Variants in FYN observed in about 807,000 individuals in gnomAD.
FYN encodes FYN proto-oncogene, Src family tyrosine kinase.
Under a neutral mutation model 70.2 loss-of-function variants are expected in FYN, and 10 were observed. The observed-to-expected ratio is 0.14, with a 90% CI of 0.09 to 0.24. The LOEUF (loss-of-function observed/expected upper bound fraction) is 0.24. Ranked by LOEUF, FYN falls within the 10% of genes least tolerant of loss-of-function variation. The pLI is 1.00. For missense variants in FYN, 319 were observed against 673.1 expected (o/e 0.47, Z 5.82); for synonymous variants, 236 against 248.6 (o/e 0.95, Z 0.48).
chr6:111,790,613 G>T (rs1052839764), intron 2 of FYN, among the ~76,000 whole-genome samples: 1 of 152,086 alleles, frequency 6.6e-6, no homozygotes, highest in Admixed American at 6.6e-5. Flanking sequence ...CCCACATTTT[G>T]AATTATCTCA....
chr6:111,745,157 C>T (rs1396097001), intron 3 of FYN, among the ~76,000 whole-genome samples: 4 of 152,206 alleles, frequency 2.6e-5, no homozygotes. Flanking sequence ...CACCTACCCA[C>T]CCATTCACCC....
intron 12 of FYN, among the ~76,000 whole-genome samples, chr6:111,677,775 A>G (rs1798596450): frequency 6.6e-6 from 1 of 152,236 alleles, no homozygotes; most frequent in Non-Finnish European, 1.5e-5. Context: ...CTTACAGAAC[A>G]ACGGAGAAAA....
At chr6:111,862,256 G>A (rs1038832460) in intron 1 of FYN, among the ~76,000 whole-genome samples, 2 of 152,076 alleles carry the variant, frequency 1.3e-5, no homozygotes, top group African/African-American at 4.8e-5. Context: ...ATGGCAGAGG[G>A]CAAAGGAGTA....
rs575114051 is a variant in FYN at position 111,680,916 on chromosome 6, TC to T, written c.1274-6287del. Among the ~76,000 whole-genome samples, 442 of 152,334 alleles carry T rather than the reference TC, an allele frequency of 2.9e-3. 4 individuals carry two copies. Among genetic ancestry groups the T allele is most frequent in the African/African-American group, 0.01 (430 of 41,578 alleles). ...TTTCTTTCCAAGCATTTTGTGTGTC[TC>T]CCCTGTGGGCTCTTCTTCTTGCTTG... On this transcript the variant is annotated intron_variant, in intron 12 of 13. Coordinates refer to ENST00000354650, the MANE Select transcript of FYN (RefSeq NM_002037.5).
intron 1 of FYN, among the ~76,000 whole-genome samples, chr6:111,864,485 C>T (rs148687558): frequency 6.5e-4 from 99 of 152,248 alleles, no homozygotes; most frequent in African/African-American, 2.3e-3. Context: ...GCTCACAAGT[C>T]GGTGGGAAAG....
Position 111,700,260 on chromosome 6 carries a change from C to T in FYN, c.706G>A (p.Ala236Thr). The change falls in exon 9 of 14, where the codon GCA becomes ACA. Residue 236 changes from alanine to threonine, a missense_variant. Ala to Thr is a moderately conservative substitution (Grantham distance 58, BLOSUM62 0). Coordinates refer to ENST00000354650, the MANE Select transcript of FYN (RefSeq NM_002037.5). Reference sequence around the variant, plus strand: ...ACTACTAGGCGGCAGCAGAGACCTGCAGCTCTCTCTGATGGAGCAGGGCAG... The same window carrying T: ...ACTACTAGGCGGCAGCAGAGACCTGTAGCTCTCTCTGATGGAGCAGGGCAG... ...QLVQHYSERA[A>T]GLCCRLVVPC... 1 of 1,614,082 alleles carries T rather than the reference C, an allele frequency of 6.2e-7. No homozygotes were observed.
At chr6:111,778,108 C>T (rs1002371574) in intron 3 of FYN, among the ~76,000 whole-genome samples, 3 of 152,174 alleles carry the variant, frequency 2.0e-5, no homozygotes, top group African/African-American at 7.2e-5. Context: ...TGTGGGGCAG[C>T]GTGTCTAATG....
At chr6:111,828,334 T>C (rs1772903883) in intron 2 of FYN, among the ~76,000 whole-genome samples, 1 of 152,140 alleles carries the variant, frequency 6.6e-6, no homozygotes, top group South Asian at 2.1e-4. Context: ...AGTATAAAAA[T>C]ATGTTAAACA....
In FYN at chr6:111,822,827, G is replaced by T. The variant is rs78905629; in HGVS notation, c.-82+23762C>A. ...GGCGAGGGGAGGACAATGTTGAGAG[G>T]GAATGCATGTCAACCACACCATCAT... On this transcript the variant is annotated intron_variant, in intron 2 of 13. Transcript: ENST00000354650. Among the ~76,000 whole-genome samples the T allele has an allele frequency of 2.5e-3, 387 of 152,190 alleles. 2 individuals carry two copies. Among genetic ancestry groups the T allele is most frequent in the African/African-American group, 9.0e-3 (374 of 41,524 alleles).
chr6:111,808,145 A>G (rs1002021841), intron 2 of FYN, among the ~76,000 whole-genome samples: 10 of 152,134 alleles, frequency 6.6e-5, no homozygotes, highest in African/African-American at 2.4e-4. Flanking sequence ...AAAACCTGAG[A>G]TCAGAGGTCA....
intron 13 of FYN, among the ~76,000 whole-genome samples, chr6:111,664,305 G>A (rs973047842): frequency 4.6e-5 from 7 of 152,078 alleles, no homozygotes; most frequent in African/African-American, 1.2e-4. Flanking sequence ...TTCTGGGTGC[G>A]GTTACAGCCC....
At chr6:111,689,772 G>A (rs1363466606) in intron 12 of FYN, among the ~76,000 whole-genome samples, 3 of 152,234 alleles carry the variant, frequency 2.0e-5, no homozygotes, top group Middle Eastern at 3.4e-3. Flanking sequence ...TTGTGGGGGT[G>A]GTTACTGACT....
Position 111,689,590 on chromosome 6 carries a change from A to T in FYN, c.1273+4785T>A, listed in dbSNP as rs982007612. Among the ~76,000 whole-genome samples, 17 of 152,194 alleles carry T rather than the reference A, an allele frequency of 1.1e-4. 1 individual carries two copies. Among genetic ancestry groups the T allele is most frequent in the African/African-American group, 4.1e-4 (17 of 41,452 alleles). ...CTCTGTGATATATTTGTACAGTGGA[A>T]TACTACTCAGCCATGAAAAGAACTA... On this transcript the variant is annotated intron_variant, in intron 12 of 13. Coordinates refer to ENST00000354650, the MANE Select transcript of FYN (RefSeq NM_002037.5).
At chr6:111,666,390 AGCCAGCAAGCACAGAG>A (rs1380348244) in intron 13 of FYN, among the ~76,000 whole-genome samples, 2 of 151,694 alleles carry the variant, frequency 1.3e-5, no homozygotes. Flanking sequence ...GGGGCTGGGG[AGCCAGCAAGCACAGAG>A]GCCACTGCCC....
chr6:111,800,662 G>A (rs1275020230), intron 2 of FYN, among the ~76,000 whole-genome samples: 1 of 152,148 alleles, frequency 6.6e-6, no homozygotes, highest in Non-Finnish European at 1.5e-5. Flanking sequence ...ATGAAAATGG[G>A]AATTTAAGTT....
chr6:111,745,852 T>G (rs947074779), intron 3 of FYN, among the ~76,000 whole-genome samples: 2 of 152,218 alleles, frequency 1.3e-5, no homozygotes, highest in African/African-American at 4.8e-5. Context: ...GGGGAGTGAA[T>G]ACACTTATAC....
At chr6:111,756,794 T>C (rs1802756624) in intron 3 of FYN, among the ~76,000 whole-genome samples, 1 of 152,308 alleles carries the variant, frequency 6.6e-6, no homozygotes, top group African/African-American at 2.4e-5. Flanking sequence ...TAGAAACTTT[T>C]AGCAAACTAG....
Position 111,777,232 on chromosome 6 carries a change from T to G in FYN, c.-12+3334A>C, listed in dbSNP as rs1181008383. ...TCTGTCTGAATTCATTTAGGTCATT[T>G]TTCGCTTGGAGTTAGGGGTAATAGA... On this transcript the variant is annotated intron_variant, in intron 3 of 13. Coordinates refer to ENST00000354650, the MANE Select transcript of FYN (RefSeq NM_002037.5). Among the ~76,000 whole-genome samples, 5 of 152,318 alleles carry G rather than the reference T, an allele frequency of 3.3e-5. No homozygotes were observed. The East Asian group carries it at 9.6e-4, about 29-fold the overall frequency.
chr6:111,737,554 C>T (rs905813477), intron 3 of FYN, among the ~76,000 whole-genome samples: 2 of 152,226 alleles, frequency 1.3e-5, no homozygotes, highest in Non-Finnish European at 2.9e-5. Context: ...GGAGCGTCCA[C>T]GGCTTCTGTG....
Sources: allele counts gnomAD v4.1 joint callset (sites outside exome capture counted in the v4.1 genomes callset), GRCh38; gene constraint gnomAD v4.1.1; transcripts MANE v1.5; gene names NCBI Gene and HGNC (gene_info 2026-07-23, HGNC 2026-07-21).